TEP1: variants seen among roughly 807,000 people sequenced by gnomAD.
TEP1 encodes the protein telomerase associated protein 1.
A neutral mutation model predicts 306.3 loss-of-function variants in TEP1; 241 were observed. That is an observed-to-expected ratio of 0.79 (90% CI 0.71 to 0.88). The LOEUF is 0.88. Among genes scored for constraint, TEP1 ranks in the 40% least tolerant of loss-of-function variants. The pLI is 0.00. For synonymous variants in TEP1, 1,289 were observed against 1,305.5 expected (o/e 0.99, Z 0.27); for missense variants, 3,051 against 3,276.1 (o/e 0.93, Z 1.68).
At chr14:20,368,743 G>T in intron 54 of TEP1, 55 bp downstream of exon 54, 1 of 1,531,558 alleles carries the variant, frequency 6.5e-7, no homozygotes, top group South Asian at 1.1e-5. Flanking sequence ...ACATCCCTTT[G>T]GGATAGGTGT....
At chr14:20,409,832 A>G (rs1879492023) in intron 1 of TEP1, among the ~76,000 whole-genome samples, 1 of 151,936 alleles carries the variant, frequency 6.6e-6, no homozygotes, top group Non-Finnish European at 1.5e-5. Context: ...CATCCTGGCT[A>G]ACACAGTGAA....
intron 9 of TEP1, among the ~76,000 whole-genome samples, chr14:20,400,297 CGTGT>C (rs143928751): frequency 8.8e-5 from 13 of 147,226 alleles, no homozygotes; most frequent in African/African-American, 2.7e-4. Context: ...TGTGTGGGTG[CGTGT>C]GTGTGTGTGT....
intron 14 of TEP1, 27 bp downstream of exon 14, chr14:20,390,911 T>C (rs757190914): frequency 6.2e-7 from 1 of 1,613,606 alleles, no homozygotes; most frequent in Non-Finnish European, 8.5e-7. Flanking sequence ...TCATGTATTT[T>C]TGGATGGTGG....
intron 1 of TEP1, among the ~76,000 whole-genome samples, chr14:20,409,622 G>A (rs1395327719): frequency 6.6e-6 from 1 of 152,156 alleles, no homozygotes; most frequent in African/African-American, 2.4e-5. Flanking sequence ...CACTGGAGTT[G>A]GAAGTGAGAC....
Position 20,373,809 on chromosome 14 carries a change from T to C in TEP1, c.6473A>G (p.Glu2158Gly). ...CCGGCTCACAGACACCACGTGCTCC[T>C]CCTGCCCACAGAGCACAAGATCAGA... is the stretch of plus-strand genomic sequence containing the variant. ...QSAVSAVAAV[E>G]EHVVSVSRDG... The change falls in exon 45 of 55, where the codon GAG (glutamate) becomes GGG (glycine). Residue 2158 changes from glutamate to glycine, a missense_variant and splice_region_variant. Physicochemically the swap from Glu to Gly is moderately conservative, Grantham distance 98. This residue lies in a region of TEP1 where 1,540 missense variants were observed against 1,705.9 expected (regional missense o/e 0.90). Coordinates refer to ENST00000262715, the MANE Select transcript of TEP1 (RefSeq NM_007110.5). 1 of 1,612,638 alleles carries C rather than the reference T, an allele frequency of 6.2e-7. No individual in the cohort carries two copies. Among genetic ancestry groups the C allele is most frequent in the Non-Finnish European group, 8.5e-7 (1 of 1,179,802 alleles).
Position 20,366,991 on chromosome 14 carries a change from TA to T in TEP1, c.*1445del, listed in dbSNP as rs1442559595. ...CAAAACACCCCAGCTAAGGCTGGAG[TA>T]ACAGAGGAGGAAAGTTAAGCAAAGG... On this transcript the variant is annotated 3_prime_UTR_variant, in exon 55 of 55. Coordinates refer to ENST00000262715, the MANE Select transcript of TEP1 (RefSeq NM_007110.5). 6.6e-6 allele frequency: 1 copy of T among 151,796 alleles called. No individual in the cohort carries two copies. The highest frequency in any genetic ancestry group is 1.5e-5 in the Non-Finnish European group (1 of 68,040). 9.4% of individuals were successfully genotyped at this position (151,796 alleles called of 1,614,324 possible). A position where few individuals can be genotyped will look rare whatever the true frequency, so the allele number is the denominator to read the frequency against.
intron 27 of TEP1, 112 bp downstream of exon 27, chr14:20,383,062 G>A: frequency 1.6e-6 from 2 of 1,243,010 alleles, no homozygotes; most frequent in Non-Finnish European, 2.2e-6. Flanking sequence ...CAGAATTTCT[G>A]AGAAAACAAA....
intron 1 of TEP1, among the ~76,000 whole-genome samples, 172 bp downstream of exon 1, chr14:20,413,220 CGCCGGGAGGAGCA>C (rs1161678629): frequency 6.6e-6 from 1 of 152,112 alleles, no homozygotes; most frequent in Non-Finnish European, 1.5e-5. Flanking sequence ...TTCCCGGAGC[CGCCGGGAGGAGCA>C]GGGTGGATGC....
chr14:20,368,755 C>G, intron 54 of TEP1, 43 bp downstream of exon 54: 15 of 1,538,674 alleles, frequency 9.7e-6, no homozygotes, highest in Non-Finnish European at 1.2e-5. Flanking sequence ...GATAGGTGTG[C>G]AGGCGCACGC....
chr14:20,369,007 TTTC>T, intron 53 of TEP1, 105 bp from the exon 54 acceptor site: 1 of 809,550 alleles, frequency 1.2e-6, no homozygotes, highest in Non-Finnish European at 1.9e-6. Flanking sequence ...TCCCTTAGTA[TTTC>T]TTTTTTTTTT....
Position 20,369,408 on chromosome 14 carries a change from A to G in TEP1, c.7592T>C (p.Met2531Thr). 6.2e-7 allele frequency: 1 copy of G among 1,614,126 alleles called. No homozygotes were observed. Among genetic ancestry groups the G allele is most frequent in the Non-Finnish European group, 8.5e-7 (1 of 1,179,994 alleles). ...ACTATCCATGCTGGCATCACTATCC[A>G]TGCTGGCATCAGATTCCCTGCAGGT... ...PSTCRESDAS[M>T]DSDASMDSEP... Residue 2531 changes from methionine to threonine, a missense_variant, in exon 53 of 55, where the codon ATG (methionine) becomes ACG (threonine). Physicochemically the swap from Met to Thr is moderately conservative, Grantham distance 81. This residue lies in a region of TEP1 where 1,540 missense variants were observed against 1,705.9 expected (regional missense o/e 0.90). Coordinates refer to ENST00000262715, the MANE Select transcript of TEP1 (RefSeq NM_007110.5).
chr14:20,389,391 G>A lies in TEP1; in HGVS notation c.2466-94C>T, dbSNP rs1308383173. ...ATCCCAAGATGAAAACCCCACTTCT[G>A]CACCTTTAATAGGGTTATGTGGTAG... is the stretch of plus-strand genomic sequence containing the variant. On this transcript the variant is annotated intron_variant, in intron 16 of 54. Transcript: ENST00000262715. 7 of 1,494,932 alleles carry A rather than the reference G, an allele frequency of 4.7e-6. No individual in the cohort carries two copies. In the East Asian group the frequency reaches 1.1e-4, roughly 24 times the overall value. 92.6% of individuals were successfully genotyped at this position (1,494,932 alleles called of 1,614,324 possible). A position where few individuals can be genotyped will look rare whatever the true frequency, so the allele number is the denominator to read the frequency against.
rs1035011861 is a variant in TEP1, at chr14:20,384,929, C to T, written c.3107+56G>A. 2.1e-5 allele frequency: 34 copies of T among 1,611,694 alleles called. No homozygotes were observed. In the East Asian group the frequency reaches 7.6e-4, roughly 36 times the overall value. The stretch of plus-strand genomic sequence containing the variant: ...TACTCTGAATACTGAGGAGAGAAGA[C>T]TGGCCTGTCTGGCCTTTTGGGGAAG... On this transcript the variant is annotated intron_variant, in intron 21 of 54. Transcript: ENST00000262715.
rs776324645 is a variant in TEP1 at position 20,383,905 on chromosome 14, G to A, written c.3548C>T (p.Ser1183Leu). The A allele has an allele frequency of 1.3e-6, 2 of 1,599,548 alleles. No homozygotes were observed. Among genetic ancestry groups the A allele is most frequent in the South Asian group, 1.1e-5 (1 of 90,480 alleles). The change falls in exon 25 of 55, where the codon TCA becomes TTA. Residue 1183 changes from serine (S) to leucine (L), a missense_variant. Transcript: ENST00000262715. ...GKTAFLASLVSALQAPDGAKV... is the reference protein window; with the variant it reads ...GKTAFLASLVLALQAPDGAKV... ...GGCCCCATCAGGAGCCTGCAGGGCT[G>A]ACACAAGAGATGCCTGCATGGGACA...
At chr14:20,382,494 G>T (rs181098171) in intron 28 of TEP1, 129 bp downstream of exon 28, 193 of 1,519,848 alleles carry the variant, frequency 1.3e-4, no homozygotes, top group Non-Finnish European at 1.7e-4. Context: ...GAAGTGAGGC[G>T]AGGTATGAGG....
At chr14:20,395,424 T>C in intron 12 of TEP1, 26 bp downstream of exon 12, 1 of 1,541,720 alleles carries the variant, frequency 6.5e-7, no homozygotes, top group Non-Finnish European at 8.8e-7. Context: ...TTGCCCACCC[T>C]TGGCTCCCAG....
At chr14:20,374,598 T>G in intron 43 of TEP1, 62 bp from the exon 44 acceptor site, 1 of 1,288,000 alleles carries the variant, frequency 7.8e-7, no homozygotes, top group Non-Finnish European at 1.1e-6. Context: ...TTGGTATATC[T>G]GTAGTGTAGG....
At chr14:20,390,184 G>A (rs997068978) in intron 15 of TEP1, among the ~76,000 whole-genome samples, 2 of 152,058 alleles carry the variant, frequency 1.3e-5, no homozygotes, top group East Asian at 1.9e-4. Context: ...AGCTATAAGC[G>A]AGCCACTTCA....
chr14:20,386,511 G>T lies in TEP1; in HGVS notation c.2797C>A (p.Arg933Ser). The change falls in exon 19 of 55, where the codon CGT becomes AGT. Residue 933 changes from arginine (R) to serine (S), a missense_variant. Transcript: ENST00000262715. ...PALQARAAPH[R>S]ISLHGIDLRW... The stretch of plus-strand genomic sequence containing the variant: ...AGGTCGATTCCGTGAAGGCTGATAC[G>T]GTGAGGGGCCGCTCGGGCCTGCAGT... 1 of 1,612,954 alleles carries T rather than the reference G, an allele frequency of 6.2e-7. No homozygotes were observed. Among genetic ancestry groups the T allele is most frequent in the Non-Finnish European group, 8.5e-7 (1 of 1,179,438 alleles).
Sources: allele counts gnomAD v4.1 joint callset (sites outside exome capture counted in the v4.1 genomes callset), GRCh38; gene constraint gnomAD v4.1.1; regional missense constraint gnomAD v4.1.1; transcripts MANE v1.5; gene names NCBI Gene and HGNC (gene_info 2026-07-23, HGNC 2026-07-21).